Variants in SLC25A25 observed in about 807,000 individuals in gnomAD.
SLC25A25 encodes the protein solute carrier family 25 member 25.
Under a neutral mutation model 57.7 loss-of-function variants are expected in SLC25A25, and 32 were observed. The observed-to-expected ratio is 0.55, with a 90% CI of 0.42 to 0.74. SLC25A25 has a LOEUF of 0.74. SLC25A25 is among the 30% of genes least tolerant of loss of function. The pLI is 0.00. For synonymous variants in SLC25A25, 306 were observed against 291.2 expected (o/e 1.05, Z -0.52); for missense variants, 556 against 701.3 (o/e 0.79, Z 2.34).
rs1258983099 is a variant in SLC25A25, at chr9:128,107,348, G to A, written c.1452G>A (p.Gly484=). 2.0e-6 allele frequency: 3 copies of A among 1,520,550 alleles called. No homozygotes were observed. The highest frequency in any genetic ancestry group is 2.8e-5 in the African/African-American group (2 of 72,052). The allele number at this position is 1,520,550 out of a possible 1,614,324, so 94.2% of individuals were successfully genotyped here. The change falls in exon 11 of 11, where the codon GGG becomes GGA. Residue 484 remains glycine (G), a synonymous_variant. Transcript: ENST00000373069. ...AGGGGGCCTTCGGGCTGTACAGGGG[G>A]CTGGCCCCCAACTTCATGAAGGTCA... is the stretch of plus-strand genomic sequence containing the variant. The part of the protein sequence containing the change: ...RTEGAFGLYR[G]LAPNFMKVIP...
At chr9:128,100,925 A>G (rs181614914) in intron 1 of SLC25A25, 171 bp from the exon 2 acceptor site, 59 of 840,902 alleles carry the variant, frequency 7.0e-5, no homozygotes, top group Non-Finnish European at 9.4e-5. Flanking sequence ...TGGCTCTGGC[A>G]TGTAAGTCGA....
rs1564185351 is a variant in SLC25A25, at chr9:128,091,560, T to TA, written c.262-9536_262-9535insA. 9.7e-4 allele frequency: 923 copies of TA among 950,366 alleles called. 5 individuals are homozygous for TA. In the African/African-American group the frequency reaches 0.018, roughly 18 times the overall value. The allele number at this position is 950,366 out of a possible 1,614,324, so 58.9% of individuals were successfully genotyped here. A position where few individuals can be genotyped will look rare whatever the true frequency, so the allele number is the denominator to read the frequency against. ...GTTTTCCTTTTCTTTTTTTTTTTTT[T>TA]TAAAAAAAAGCCAAACGTTTGCTCA... On this transcript the variant is annotated intron_variant, in intron 1 of 10. Coordinates refer to ENST00000373069, the MANE Select transcript of SLC25A25 (RefSeq NM_001330988.2).
chr9:128,098,649 C>A, intron 1 of SLC25A25: 1 of 1,614,132 alleles, frequency 6.2e-7, no homozygotes, highest in Non-Finnish European at 8.5e-7. Flanking sequence ...GGGCTCCCTG[C>A]CGAGCTGAAG....
At position 128,108,056 on chromosome 9, in the gene SLC25A25, C is replaced by T. The variant is rs543515646; in HGVS notation, c.*612C>T. 1.5e-5 allele frequency: 6 copies of T among 399,026 alleles called. No individual in the cohort carries two copies. Among genetic ancestry groups the T allele is most frequent in the African/African-American group, 1.2e-4 (6 of 48,772 alleles). 24.7% of individuals were successfully genotyped at this position (399,026 alleles called of 1,614,324 possible). A position where few individuals can be genotyped will look rare whatever the true frequency, so the allele number is the denominator to read the frequency against. On this transcript the variant is annotated 3_prime_UTR_variant, in exon 11 of 11. Transcript: ENST00000373069. ...TGTGGTCACTGGCATCTGAGCCCTG[C>T]TGATGGCTGGGGCTCTCGGGCATGC...
intron 1 of SLC25A25, among the ~76,000 whole-genome samples, chr9:128,077,319 G>A (rs910505962): frequency 2.0e-5 from 3 of 151,282 alleles, no homozygotes; most frequent in African/African-American, 7.3e-5. Flanking sequence ...CGAGGTCAGG[G>A]GATCGATACC....
At chr9:128,100,080 G>A (rs953671043) in intron 1 of SLC25A25, among the ~76,000 whole-genome samples, 6 of 152,114 alleles carry the variant, frequency 3.9e-5, no homozygotes, top group African/African-American at 9.7e-5. Flanking sequence ...CTTGCATCCC[G>A]CCCACCACTT....
Position 128,107,295 on chromosome 9 carries a change from A to G in SLC25A25, c.1399A>G (p.Ser467Gly). Residue 467 changes from serine to glycine, a missense_variant, in exon 11 of 11, where the codon AGC becomes GGC. Physicochemically the swap from Ser to Gly is moderately conservative, Grantham distance 56. This residue lies in a region of SLC25A25 where 294 missense variants were observed against 389.6 expected (regional missense o/e 0.75). Coordinates refer to ENST00000373069, the MANE Select transcript of SLC25A25 (RefSeq NM_001330988.2). The stretch of plus-strand genomic sequence containing the variant: ...GGGCGCTCCGGAGGTGACCATGAGC[A>G]GCCTCTTCAAACATATCCTGCGGAC... ...IEGAPEVTMS[S>G]LFKHILRTEG... The G allele has an allele frequency of 6.3e-7, 1 of 1,578,600 alleles. No homozygotes were observed.
intron 1 of SLC25A25, among the ~76,000 whole-genome samples, chr9:128,069,421 A>T (rs1184446995): frequency 6.6e-6 from 1 of 151,902 alleles, no homozygotes; most frequent in Non-Finnish European, 1.5e-5. Flanking sequence ...CAAGTATTTC[A>T]TTTACTGTAG....
chr9:128,103,090 G>A lies in SLC25A25; in HGVS notation c.625-591G>A, dbSNP rs1372632893. On this transcript the variant is annotated intron_variant, in intron 5 of 10. Coordinates refer to ENST00000373069, the MANE Select transcript of SLC25A25 (RefSeq NM_001330988.2). This position sits in a 1 kb window ranked among gnomAD's most constrained non-coding sequence, Gnocchi z 6.7. ...GCGCTCCTCATCTGCCTCTCGCAGT[G>A]CCAGGCCAGGGCTTGTTAGGTGAGA... Among the ~76,000 whole-genome samples the A allele has an allele frequency of 2.0e-5, 3 of 152,194 alleles. No homozygotes were observed. Among genetic ancestry groups the A allele is most frequent in the Non-Finnish European group, 4.4e-5 (3 of 68,032 alleles).
intron 1 of SLC25A25, among the ~76,000 whole-genome samples, chr9:128,076,451 TTTTTA>T (rs1238869303): frequency 4.8e-5 from 5 of 103,384 alleles, no homozygotes; most frequent in Admixed American, 2.0e-4. Context: ...TTTATTTTTA[TTTTTA>T]TTTTTATTTT....
intron 1 of SLC25A25, among the ~76,000 whole-genome samples, chr9:128,070,897 C>T (rs949141145): frequency 1.7e-4 from 24 of 138,186 alleles, no homozygotes; most frequent in African/African-American, 6.5e-4. Flanking sequence ...TTGCGGTGAG[C>T]TGAGATTGCA....
chr9:128,100,968 C>A, intron 1 of SLC25A25, 128 bp from the exon 2 acceptor site: 1 of 1,266,882 alleles, frequency 7.9e-7, no homozygotes, highest in South Asian at 1.5e-5. Context: ...GGAGCAGAAG[C>A]ATCTTGGGTC....
intron 1 of SLC25A25, among the ~76,000 whole-genome samples, chr9:128,069,918 A>ATTTTTTTT (rs758820179): frequency 9.7e-6 from 1 of 103,060 alleles, no homozygotes. Context: ...CACCCAGCTA[A>ATTTTTTTT]TTTTTTTTTT....
In SLC25A25 at chr9:128,107,411, C is replaced by T; in HGVS notation, c.1515C>T (p.Asn505=). Residue 505 remains asparagine (N), a synonymous_variant, in exon 11 of 11, where the codon AAC becomes AAT. Coordinates refer to ENST00000373069, the MANE Select transcript of SLC25A25 (RefSeq NM_001330988.2). ...GCATCAGCTACGTGGTCTACGAGAA[C>T]CTGAAGATCACCCTGGGCGTGCAGT... ...AVSISYVVYE[N]LKITLGVQSR 7 of 1,508,690 alleles carry T rather than the reference C, an allele frequency of 4.6e-6. No individual in the cohort carries two copies. The highest frequency in any genetic ancestry group is 6.2e-6 in the Non-Finnish European group (7 of 1,127,710). The allele number at this position is 1,508,690 out of a possible 1,614,324, so 93.5% of individuals were successfully genotyped here. A position where few individuals can be genotyped will look rare whatever the true frequency, so the allele number is the denominator to read the frequency against.
chr9:128,080,031 C>T (rs1217463396), intron 1 of SLC25A25, among the ~76,000 whole-genome samples: 7 of 150,120 alleles, frequency 4.7e-5, no homozygotes, highest in Non-Finnish European at 7.4e-5. Context: ...TGCTTGTAAT[C>T]CCAGCTACTG....
intron 6 of SLC25A25, among the ~76,000 whole-genome samples, chr9:128,105,154 C>T (rs1463153473): frequency 4.3e-5 from 6 of 140,870 alleles, no homozygotes; most frequent in South Asian, 4.6e-4. Context: ...CCAACACTCC[C>T]GGCCTTTTTT....
chr9:128,107,602 G>T lies in SLC25A25; in HGVS notation c.*158G>T. 1 of 836,026 alleles carries T rather than the reference G, an allele frequency of 1.2e-6. No homozygotes were observed. The highest frequency in any genetic ancestry group is 1.7e-6 in the Non-Finnish European group (1 of 585,626). The allele number at this position is 836,026 out of a possible 1,614,324, so 51.8% of individuals were successfully genotyped here. ...CAGGGAGGGTGGGGAGAGCTGGCAG[G>T]CCCAGGGCTTGTCCTGCTGACCCCA... On this transcript the variant is annotated 3_prime_UTR_variant, in exon 11 of 11. Transcript: ENST00000373069.
chr9:128,073,328 C>G (rs1343276845), intron 1 of SLC25A25, among the ~76,000 whole-genome samples: 1 of 152,146 alleles, frequency 6.6e-6, no homozygotes, highest in Non-Finnish European at 1.5e-5. Context: ...GTATAGGTTT[C>G]AAGATTATCC....
chr9:128,101,028 G>A lies in SLC25A25; in HGVS notation c.262-68G>A. Reference sequence around the variant, plus strand: ...TAGTGAAGTCATTGCCTGGGGATGGGGCCCCACAAGGGACAAGGAAAGGCT... The same window carrying A: ...TAGTGAAGTCATTGCCTGGGGATGGAGCCCCACAAGGGACAAGGAAAGGCT... On this transcript the variant is annotated intron_variant, in intron 1 of 10. Transcript: ENST00000373069. This position sits in a 1 kb window ranked among gnomAD's most constrained non-coding sequence, Gnocchi z 4.9. The A allele has an allele frequency of 6.2e-7, 1 of 1,602,226 alleles. No homozygotes were observed. The highest frequency in any genetic ancestry group is 8.5e-7 in the Non-Finnish European group (1 of 1,174,454).
Sources: gnomAD v4.1 joint callset for allele counts (sites outside exome capture counted in the v4.1 genomes callset) on GRCh38, gnomAD v4.1.1 for gene constraint, gnomAD v4.1.1 regional missense constraint, Gnocchi (gnomAD v3.1) non-coding constraint, MANE v1.5 for transcripts, NCBI Gene and HGNC (gene_info 2026-07-23, HGNC 2026-07-21) for gene names.